OR2L13: variants seen among roughly 807,000 people sequenced by gnomAD.
The protein encoded by OR2L13 is olfactory receptor family 2 subfamily L member 13.
OR2L13 carries 14 observed loss-of-function variants against 15.3 expected under a neutral mutation model. The ratio of observed to expected loss-of-function variants is 0.91; its 90% CI spans 0.60 to 1.43. The LOEUF (loss-of-function observed/expected upper bound fraction) is 1.43. Ranked by LOEUF, OR2L13 falls within the 40% of genes most tolerant of loss-of-function variation. The pLI is 0.00. For missense variants in OR2L13, 367 were observed against 387.9 expected (o/e 0.95, Z 0.45); for synonymous variants, 152 against 142.9 (o/e 1.06, Z -0.45).
the OR2L13 span, chr1:248,003,515 C>T: frequency 6.2e-7 from 1 of 1,612,296 alleles, no homozygotes; most frequent in Non-Finnish European, 8.5e-7. Flanking sequence ...TTGCTTTCCT[C>T]TCCACTATCT....
At chr1:248,099,291 T>C (rs1201188323) in intron 2 of OR2L13, 67 bp from the exon 3 acceptor site, 4 of 911,222 alleles carry the variant, frequency 4.4e-6, no homozygotes, top group Middle Eastern at 2.6e-4. Context: ...CAGTTCCTTT[T>C]TGTTTTTCTA....
At chr1:248,096,801 A>G (rs1458760494), upstream of OR2L13, among the ~76,000 whole-genome samples, 1 of 152,228 alleles carries the variant, frequency 6.6e-6, no homozygotes, top group Non-Finnish European at 1.5e-5. Flanking sequence ...TTAACTCTAT[A>G]AATTTCAGCA....
At chr1:247,937,592 G>A in the OR2L13 span, 5 of 162,654 alleles carry the variant, frequency 3.1e-5, no homozygotes, top group African/African-American at 1.2e-4. Flanking sequence ...TGGCTCTGGG[G>A]CCTCCTCTTC....
the OR2L13 span, chr1:247,965,998 C>T: frequency 4.3e-6 from 7 of 1,612,208 alleles, no homozygotes; most frequent in Non-Finnish European, 5.9e-6. Context: ...TATTATCTTG[C>T]TACTACCATT....
chr1:247,966,173 G>A, the OR2L13 span: 895 of 1,614,076 alleles, frequency 5.5e-4, 4 homozygotes, highest in African/African-American at 8.3e-3. Context: ...CACTCCTTGC[G>A]TTCCCCTTCA....
chr1:248,021,352 TCTAA>T, the OR2L13 span, among the ~76,000 whole-genome samples: 2 of 152,166 alleles, frequency 1.3e-5, no homozygotes, highest in Non-Finnish European at 2.9e-5. Flanking sequence ...TAATTCACAG[TCTAA>T]CTAAACTAAG....
chr1:247,971,479 A>G, the OR2L13 span, among the ~76,000 whole-genome samples: 1 of 152,206 alleles, frequency 6.6e-6, no homozygotes, highest in African/African-American at 2.4e-5. Flanking sequence ...AAACATTGAC[A>G]TAATTTGATG....
chr1:248,005,102 G>T, the OR2L13 span, among the ~76,000 whole-genome samples: 5 of 152,042 alleles, frequency 3.3e-5, no homozygotes, highest in Non-Finnish European at 7.4e-5. Flanking sequence ...GCCAGTAATT[G>T]GTAGCACAAC....
At chr1:247,993,342 G>GTTGT in the OR2L13 span, among the ~76,000 whole-genome samples, 3,925 of 134,952 alleles carry the variant, frequency 0.029, 158 homozygotes, top group African/African-American at 0.099. Flanking sequence ...TTTCCTCGTT[G>GTTGT]TTTTTTTTTT....
chr1:247,979,198 AC>A, the OR2L13 span, among the ~76,000 whole-genome samples: 575 of 152,234 alleles, frequency 3.8e-3, 5 homozygotes, highest in African/African-American at 0.013. Flanking sequence ...GTTCTAGGGT[AC>A]ATGTGCATAA....
chr1:248,082,005 T>C, the OR2L13 span, among the ~76,000 whole-genome samples: 5 of 152,024 alleles, frequency 3.3e-5, no homozygotes, highest in Non-Finnish European at 7.4e-5. Flanking sequence ...CCATTGTGTG[T>C]TTAAATAAAT....
chr1:248,022,280 G>A, the OR2L13 span: 561 of 1,613,908 alleles, frequency 3.5e-4, no homozygotes, highest in African/African-American at 5.0e-3. Context: ...GTGCAGAAGC[G>A]CTGCTCCTGA....
chr1:248,044,563 G>A, the OR2L13 span, among the ~76,000 whole-genome samples: 1 of 85,160 alleles, frequency 1.2e-5, no homozygotes, highest in African/African-American at 2.3e-4. Flanking sequence ...CAGCACTTTG[G>A]GAGGCCGAGG....
chr1:248,060,850 C>T, the OR2L13 span: 4 of 1,613,850 alleles, frequency 2.5e-6, no homozygotes, highest in Non-Finnish European at 2.5e-6. Flanking sequence ...TCTCCACACA[C>T]CCATGTATTT....
chr1:248,044,015 A>G, the OR2L13 span, among the ~76,000 whole-genome samples: 1 of 152,212 alleles, frequency 6.6e-6, no homozygotes, highest in Admixed American at 6.5e-5. Flanking sequence ...AAACATTGTC[A>G]ATCTGTTTCC....
At chr1:248,008,349 C>T in the OR2L13 span, among the ~76,000 whole-genome samples, 1 of 152,184 alleles carries the variant, frequency 6.6e-6, no homozygotes, top group South Asian at 2.1e-4. Context: ...ATAAAAATAT[C>T]TTGCATTGAC....
chr1:248,002,416 T>C, the OR2L13 span, among the ~76,000 whole-genome samples: 1 of 116,726 alleles, frequency 8.6e-6, no homozygotes, highest in African/African-American at 5.3e-5. Context: ...CATACCACTT[T>C]CCCTCTCTGT....
At chr1:248,090,230 G>A (rs1197068275), upstream of OR2L13, among the ~76,000 whole-genome samples, 1 of 152,152 alleles carries the variant, frequency 6.6e-6, no homozygotes, top group Non-Finnish European at 1.5e-5. Flanking sequence ...GACTTGGGGT[G>A]TGCCACTCTC....
At chr1:247,939,710 C>T in the OR2L13 span, 13 of 152,212 alleles carry the variant, frequency 8.5e-5, no homozygotes, top group East Asian at 1.9e-4. Context: ...GAAAACCGAA[C>T]CTTCTGTCTT....
Sources: allele counts gnomAD v4.1 joint callset (sites outside exome capture counted in the v4.1 genomes callset), GRCh38; gene constraint gnomAD v4.1.1; transcripts MANE v1.5; gene names NCBI Gene and HGNC (gene_info 2026-07-23, HGNC 2026-07-21).